The following TCTN3 variants were observed in gnomAD, a reference collection of about 807,000 sequenced individuals.
TCTN3 encodes tectonic family member 3.
Under a neutral mutation model 71.3 loss-of-function variants are expected in TCTN3, and 57 were observed. The observed-to-expected ratio is 0.80, with a 90% CI of 0.65 to 1.00. The LOEUF is 1.00. Ranked by LOEUF, TCTN3 falls within the 50% of genes least tolerant of loss-of-function variation. The pLI is 0.00. For synonymous variants in TCTN3, 258 were observed against 267.8 expected (o/e 0.96, Z 0.36); for missense variants, 696 against 719.9 (o/e 0.97, Z 0.38).
At chr10:95,680,018 G>T (rs1468481919) in intron 13 of TCTN3, among the ~76,000 whole-genome samples, 2 of 152,216 alleles carry the variant, frequency 1.3e-5, no homozygotes, top group East Asian at 1.9e-4. Context: ...GTTTGCTACA[G>T]ATTAAAAGTG....
rs760160859 is a variant in TCTN3 at position 95,687,555 on chromosome 10, C to T, written c.627+37G>A. The stretch of plus-strand genomic sequence containing the variant: ...CAGCTGTCTGCTGTGAGAGTAAAAA[C>T]TAAACCAAACAATCCCATCCCCTTC... On this transcript the variant is annotated intron_variant, in intron 4 of 13. Coordinates refer to ENST00000371217, the MANE Select transcript of TCTN3 (RefSeq NM_015631.6). 6.8e-6 allele frequency: 11 copies of T among 1,606,472 alleles called. No homozygotes were observed. The Admixed American group carries it at 1.9e-4, about 28-fold the overall frequency.
chr10:95,679,238 A>C (rs1480484357), intron 13 of TCTN3, among the ~76,000 whole-genome samples: 1 of 152,222 alleles, frequency 6.6e-6, no homozygotes, highest in African/African-American at 2.4e-5. Context: ...TCAATGCCTA[A>C]AGGAACCAGA....
At chr10:95,679,930 T>C (rs2097941261) in intron 13 of TCTN3, among the ~76,000 whole-genome samples, 1 of 152,238 alleles carries the variant, frequency 6.6e-6, no homozygotes, top group African/African-American at 2.4e-5. Context: ...TTTTTAAACT[T>C]CTATAGCTAA....
chr10:95,692,768 CTTTT>C, intron 3 of TCTN3, 148 bp downstream of exon 3: 5 of 594,828 alleles, frequency 8.4e-6, no homozygotes, highest in Non-Finnish European at 1.5e-5. Flanking sequence ...ATTTTTTTTG[CTTTT>C]TTTTTGTTGT....
intron 10 of TCTN3, 121 bp downstream of exon 10, chr10:95,683,401 T>A: frequency 6.4e-7 from 1 of 1,558,720 alleles, no homozygotes; most frequent in Non-Finnish European, 8.7e-7. Context: ...TATTAGTATA[T>A]AAGTACCTCA....
chr10:95,682,552 G>C (rs1802251625), intron 12 of TCTN3, 99 bp downstream of exon 12: 1 of 1,352,560 alleles, frequency 7.4e-7, no homozygotes, highest in Admixed American at 2.3e-5. Context: ...TATGACAAAT[G>C]CATTATCTAT....
rs764091969 is a variant in TCTN3, at chr10:95,686,506, G to T, written c.877C>A (p.Gln293Lys). ...CAACAGCATCATACCTCCATATTCTGTGGATCAGTCATGCTTCTTGGAACC... is the reference window on the plus strand; with the variant it reads ...CAACAGCATCATACCTCCATATTCTTTGGATCAGTCATGCTTCTTGGAACC... ...LKVPRSMTDP[Q>K]NMEFQVPVIL... The change falls in exon 7 of 14, where the codon CAG becomes AAG. Residue 293 changes from glutamine to lysine, a missense_variant. Transcript: ENST00000371217. The T allele has an allele frequency of 3.1e-6, 5 of 1,614,004 alleles. No homozygotes were observed. The highest frequency in any genetic ancestry group is 4.2e-6 in the Non-Finnish European group (5 of 1,179,968).
chr10:95,683,696 C>A, intron 9 of TCTN3, 67 bp from the exon 10 acceptor site: 1 of 1,384,302 alleles, frequency 7.2e-7, no homozygotes, highest in East Asian at 2.3e-5. Context: ...CACTGCTTGG[C>A]TTCACCGTAC....
chr10:95,670,081 AAAAG>A (rs2097929496), intron 13 of TCTN3, among the ~76,000 whole-genome samples: 1 of 151,602 alleles, frequency 6.6e-6, no homozygotes. Flanking sequence ...AAAAAAAAAA[AAAAG>A]AGTTAGCAGT....
chr10:95,685,707 CATGCT>C, intron 7 of TCTN3, 71 bp from the exon 8 acceptor site: 3 of 1,197,618 alleles, frequency 2.5e-6, no homozygotes, highest in Non-Finnish European at 3.6e-6. Context: ...TAATAGATAT[CATGCT>C]AAGATGAGTA....
intron 13 of TCTN3, among the ~76,000 whole-genome samples, chr10:95,674,198 T>C (rs1327557705): frequency 6.6e-6 from 1 of 152,212 alleles, no homozygotes; most frequent in Non-Finnish European, 1.5e-5. Flanking sequence ...ATGAACCATT[T>C]ATTTAGATCT....
chr10:95,693,564 T>A (rs1589623769), intron 1 of TCTN3, 80 bp downstream of exon 1: 2 of 1,547,890 alleles, frequency 1.3e-6, no homozygotes, highest in East Asian at 4.9e-5. Context: ...GCCCCACTCC[T>A]GCTTTGTGGC....
intron 2 of TCTN3, 21 bp from the exon 3 acceptor site, chr10:95,693,059 G>A: frequency 1.4e-5 from 22 of 1,571,328 alleles, no homozygotes; most frequent in Non-Finnish European, 1.9e-5. Context: ...AGAGGAGGGA[G>A]AAGATATATT....
chr10:95,685,546 G>A lies in TCTN3; in HGVS notation c.969+10C>T. ...CACATCAGTCCAGAATCTGAGGTCA[G>A]TATCCCTACCTGAGAAACTACATTC... On this transcript the variant is annotated intron_variant, in intron 8 of 13. Transcript: ENST00000371217. 1 of 1,548,512 alleles carries A rather than the reference G, an allele frequency of 6.5e-7. No individual in the cohort carries two copies. The highest frequency in any genetic ancestry group is 8.7e-7 in the Non-Finnish European group (1 of 1,144,298).
Position 95,683,570 on chromosome 10 carries a change from A to C in TCTN3, c.1155T>G (p.Tyr385Ter). The C allele has an allele frequency of 1.9e-6, 3 of 1,614,172 alleles. No homozygotes were observed. Among genetic ancestry groups the C allele is most frequent in the Non-Finnish European group, 2.5e-6 (3 of 1,180,018 alleles). ...LTSPRSGNPG[Y>*]IVGKPLLALT... ...GAGCCAAGAGTGGCTTCCCAACTATATAGCCAGGATTCCCACTTCTAGGAC... is the reference window on the plus strand; with the variant it reads ...GAGCCAAGAGTGGCTTCCCAACTATCTAGCCAGGATTCCCACTTCTAGGAC... The change falls in exon 10 of 14, where the codon TAT becomes TAG. Residue 385 changes from tyrosine to a stop codon, truncating the protein, a stop_gained. Coordinates refer to ENST00000371217, the MANE Select transcript of TCTN3 (RefSeq NM_015631.6). LOFTEE classifies it high-confidence loss of function.
At position 95,677,483 on chromosome 10, in the gene TCTN3, G is replaced by GTT. The variant is rs1223582407; in HGVS notation, c.1590+2987_1590+2988dup. ...GATAGTGAAGTCTACAGTTTTTTTTGTTTTTTTTTTTTTTTTTTGCTGTAT... is the reference window on the plus strand; with the variant it reads ...GATAGTGAAGTCTACAGTTTTTTTTGTTTTTTTTTTTTTTTTTTTTGCTGTAT... On this transcript the variant is annotated intron_variant, in intron 13 of 13. Coordinates refer to ENST00000371217, the MANE Select transcript of TCTN3 (RefSeq NM_015631.6). Among the ~76,000 whole-genome samples, 71 of 62,036 alleles carry GTT rather than the reference G, an allele frequency of 1.1e-3. 1 individual carries two copies. Among genetic ancestry groups the GTT allele is most frequent in the East Asian group, 2.9e-3 (11 of 3,838 alleles). The allele number at this position is 62,036 out of a possible 152,430, so 40.7% of individuals were successfully genotyped here. A position where few individuals can be genotyped will look rare whatever the true frequency, so the allele number is the denominator to read the frequency against.
In TCTN3 at chr10:95,686,512, C is replaced by T; in HGVS notation, c.871G>A (p.Asp291Asn). ...TVLKVPRSMT[D>N]PQNMEFQVPV... Reference sequence around the variant, plus strand: ...CATCATACCTCCATATTCTGTGGATCAGTCATGCTTCTTGGAACCTAGGAG... The same window carrying T: ...CATCATACCTCCATATTCTGTGGATTAGTCATGCTTCTTGGAACCTAGGAG... The change falls in exon 7 of 14, where the codon GAT becomes AAT. Residue 291 changes from aspartate (D) to asparagine (N), a missense_variant. Asp to Asn is a conservative substitution (Grantham distance 23). Transcript: ENST00000371217. 6.2e-7 allele frequency: 1 copy of T among 1,614,068 alleles called. No individual in the cohort carries two copies. Among genetic ancestry groups the T allele is most frequent in the Non-Finnish European group, 8.5e-7 (1 of 1,179,992 alleles).
chr10:95,688,597 TAAC>T (rs1368277718), intron 3 of TCTN3, among the ~76,000 whole-genome samples: 2 of 152,124 alleles, frequency 1.3e-5, no homozygotes, highest in South Asian at 2.1e-4. Flanking sequence ...TGACAAGTCC[TAAC>T]AACAACTGAC....
intron 12 of TCTN3, among the ~76,000 whole-genome samples, chr10:95,681,328 G>A (rs183112714): frequency 8.5e-5 from 13 of 152,162 alleles, no homozygotes; most frequent in African/African-American, 2.2e-4. Flanking sequence ...TGCCCGCCTC[G>A]GCCTTCCAAA....
Sources: gnomAD v4.1 joint callset for allele counts (sites outside exome capture counted in the v4.1 genomes callset) on GRCh38, gnomAD v4.1.1 for gene constraint, MANE v1.5 for transcripts, NCBI Gene and HGNC (gene_info 2026-07-23, HGNC 2026-07-21) for gene names.